The following VPS8 variants were observed in gnomAD, a reference collection of about 807,000 sequenced individuals.
VPS8 encodes the protein vacuolar protein sorting-associated protein 8 homolog.
In VPS8, 129 loss-of-function variants were observed where a neutral mutation model predicts 216.4. The observed-to-expected ratio is 0.60, with a 90% CI of 0.52 to 0.69. VPS8 has a LOEUF of 0.69. Ranked by LOEUF, VPS8 falls within the 30% of genes least tolerant of loss-of-function variation. The pLI, the probability that VPS8 is intolerant of heterozygous loss-of-function variation, is 0.00. For synonymous variants in VPS8, 571 were observed against 565.4 expected, an observed-to-expected ratio of 1.01 and a Z score of -0.14; for missense variants, 1,531 against 1,683.5, an observed-to-expected ratio of 0.91 and a Z score of 1.59.
intron 42 of VPS8, among the ~76,000 whole-genome samples, chr3:184,984,589 G>A (rs548727190): frequency 2.6e-4 from 40 of 152,136 alleles, no homozygotes; most frequent in Middle Eastern, 6.8e-3. Flanking sequence ...CACAGCGCCC[G>A]GCCAGAACAC....
intron 29 of VPS8, 85 bp downstream of exon 29, chr3:184,920,283 T>A: frequency 1.1e-6 from 1 of 920,058 alleles, no homozygotes; most frequent in East Asian, 3.1e-5. Context: ...TAAAATAATC[T>A]TGTTAAGTGG....
intron 45 of VPS8, among the ~76,000 whole-genome samples, chr3:185,008,336 A>G (rs909308147): frequency 1.3e-5 from 2 of 152,206 alleles, no homozygotes; most frequent in African/African-American, 4.8e-5. Flanking sequence ...CCAGTATTTA[A>G]TGTATACCTG....
At chr3:185,004,345 C>T (rs1462355754) in intron 45 of VPS8, among the ~76,000 whole-genome samples, 8 of 152,144 alleles carry the variant, frequency 5.3e-5, no homozygotes, top group South Asian at 2.1e-4. Flanking sequence ...TCAGGCGTGG[C>T]GGCGCGCGCC....
intron 46 of VPS8, among the ~76,000 whole-genome samples, chr3:185,027,899 A>C (rs531038784): frequency 1.3e-5 from 2 of 152,280 alleles, no homozygotes; most frequent in African/African-American, 4.8e-5. Context: ...GTTTATGCAA[A>C]ACTTGGGACT....
chr3:184,957,627 C>A, intron 37 of VPS8, 106 bp downstream of exon 37: 1 of 1,333,588 alleles, frequency 7.5e-7, no homozygotes, highest in Non-Finnish European at 1.0e-6. Flanking sequence ...CTTTTTTAAA[C>A]CTTATAAATT....
rs1212357720 is a variant in VPS8, at chr3:185,013,230, C to T, written c.4003-11106C>T. On this transcript the variant is annotated intron_variant, in intron 45 of 47. Coordinates refer to ENST00000625842, the MANE Select transcript of VPS8 (RefSeq NM_001009921.3). ...GCATGTCACAGTGCTGCAGAGATTT[C>T]GTTTATGGCCAGTTTGGGGGCCAGT... Among the ~76,000 whole-genome samples, 8 of 152,106 alleles carry T rather than the reference C, an allele frequency of 5.3e-5. 1 individual carries two copies. The highest frequency in any genetic ancestry group is 8.8e-5 in the Non-Finnish European group (6 of 68,048).
intron 21 of VPS8, among the ~76,000 whole-genome samples, chr3:184,873,648 G>A (rs1207917154): frequency 6.6e-6 from 1 of 152,068 alleles, no homozygotes; most frequent in African/African-American, 2.4e-5. Flanking sequence ...CTATACCACA[G>A]AACAATGCTC....
intron 16 of VPS8, among the ~76,000 whole-genome samples, chr3:184,864,539 G>A (rs1726976999): frequency 6.6e-6 from 1 of 152,186 alleles, no homozygotes; most frequent in African/African-American, 2.4e-5. Flanking sequence ...CGTATCTAGT[G>A]CTCACACAGG....
At chr3:184,896,273 CACAT>C (rs1304977162) in intron 23 of VPS8, among the ~76,000 whole-genome samples, 1 of 152,062 alleles carries the variant, frequency 6.6e-6, no homozygotes, top group Non-Finnish European at 1.5e-5. Context: ...GCCTACCTAT[CACAT>C]ACAGGAAAAA....
intron 25 of VPS8, among the ~76,000 whole-genome samples, chr3:184,908,542 T>C (rs1445372877): frequency 6.6e-6 from 1 of 152,206 alleles, no homozygotes; most frequent in African/African-American, 2.4e-5. Flanking sequence ...GCTCTTTTAG[T>C]TTTACCATCC....
In VPS8 at chr3:184,890,517, A is replaced by G. The variant is rs559575402; in HGVS notation, c.1782-4186A>G. 9.3e-4 allele frequency among the ~76,000 whole-genome samples: 141 copies of G among 152,302 alleles called. 1 individual carries two copies. Among genetic ancestry groups the G allele is most frequent in the African/African-American group, 3.2e-3 (133 of 41,570 alleles). ...CATGCTCTGAAATTAATTTTAACTT[A>G]GTGGCACAACCATTATTACACTATA... is the stretch of plus-strand genomic sequence containing the variant. On this transcript the variant is annotated intron_variant, in intron 22 of 47. Transcript: ENST00000625842.
chr3:184,900,866 T>G, intron 24 of VPS8, 55 bp from the exon 25 acceptor site: 1 of 1,460,460 alleles, frequency 6.8e-7, no homozygotes, highest in Non-Finnish European at 9.4e-7. Flanking sequence ...TTCTTATTTT[T>G]TAAATAATAT....
In VPS8 at chr3:184,900,883, AGAT is replaced by A. The variant is rs775187679; in HGVS notation, c.2095-28_2095-26del. On this transcript the variant is annotated intron_variant, in intron 24 of 47. Transcript: ENST00000625842. Reference sequence around the variant, plus strand: ...CTTATTTTTTAAATAATATCATTTGAGATGATGATGATTGTTTTCCTATTAATT... The same window carrying A: ...CTTATTTTTTAAATAATATCATTTGAGATGATGATTGTTTTCCTATTAATT... The A allele has an allele frequency of 2.4e-4, 362 of 1,530,746 alleles. 1 individual carries two copies. The East Asian group carries it at 6.7e-3, about 28-fold the overall frequency. The allele number at this position is 1,530,746 out of a possible 1,614,324, so 94.8% of individuals were successfully genotyped here. A position where few individuals can be genotyped will look rare whatever the true frequency, so the allele number is the denominator to read the frequency against.
intron 34 of VPS8, among the ~76,000 whole-genome samples, chr3:184,932,620 T>C (rs546978027): frequency 6.6e-6 from 1 of 152,316 alleles, no homozygotes; most frequent in Non-Finnish European, 1.5e-5. Context: ...ATTATCCTGG[T>C]TTTTGTGACA....
chr3:185,013,757 C>G (rs1293149467), intron 45 of VPS8, among the ~76,000 whole-genome samples: 6 of 152,218 alleles, frequency 3.9e-5, no homozygotes, highest in Non-Finnish European at 1.5e-5. Flanking sequence ...TCTTACCGTA[C>G]TTCTTACCAT....
intron 26 of VPS8, 110 bp from the exon 27 acceptor site, chr3:184,914,871 G>A (rs756291617): frequency 2.8e-6 from 3 of 1,085,000 alleles, no homozygotes; most frequent in Non-Finnish European, 2.8e-6. Flanking sequence ...CAAAAGCTGA[G>A]CCTACTTACA....
intron 23 of VPS8, 78 bp downstream of exon 23, chr3:184,895,003 C>T: frequency 8.5e-7 from 1 of 1,171,700 alleles, no homozygotes. Flanking sequence ...ACTGATCAGG[C>T]CTGACCCTGC....
Position 184,824,696 on chromosome 3 carries a change from G to C in VPS8, c.64G>C (p.Glu22Gln), listed in dbSNP as rs760611057. ...CCTCTGTGCCAAGACGAGCGAAGAA[G>C]AGCTGAATAAGTCTTTCAATCTAGA... ...QSLCAKTSEEELNKSFNLEAS... is the reference protein window; with the variant it reads ...QSLCAKTSEEQLNKSFNLEAS... The change falls in exon 2 of 48, where the codon GAG (glutamate) becomes CAG (glutamine). Residue 22 changes from glutamate (E) to glutamine (Q), a missense_variant. By Grantham distance (29) the Glu-to-Gln change is conservative. Coordinates refer to ENST00000625842, the MANE Select transcript of VPS8 (RefSeq NM_001009921.3). The C allele has an allele frequency of 6.2e-7, 1 of 1,613,966 alleles. No homozygotes were observed. Among genetic ancestry groups the C allele is most frequent in the Non-Finnish European group, 8.5e-7 (1 of 1,179,880 alleles).
At chr3:185,041,529 T>C (rs79574975) in intron 46 of VPS8, among the ~76,000 whole-genome samples, 4 of 152,278 alleles carry the variant, frequency 2.6e-5, no homozygotes, top group African/African-American at 9.6e-5. Flanking sequence ...AGATTATTGA[T>C]CGAGTTACAA....
Sources: gnomAD v4.1 joint callset for allele counts (sites outside exome capture counted in the v4.1 genomes callset) on GRCh38, gnomAD v4.1.1 for gene constraint, MANE v1.5 for transcripts, NCBI Gene and HGNC (gene_info 2026-07-23, HGNC 2026-07-21) for gene names.